GAN: variants seen among roughly 807,000 people sequenced by gnomAD.
The protein encoded by GAN is gigaxonin, also known as epididymis secretory sperm binding protein.
Under a neutral mutation model 71.3 loss-of-function variants are expected in GAN, and 48 were observed. The ratio of observed to expected loss-of-function variants is 0.67; its 90% CI spans 0.53 to 0.86. The LOEUF (loss-of-function observed/expected upper bound fraction) is 0.86, where lower values mean the gene tolerates loss of function less well. GAN is among the 40% of genes least tolerant of loss of function. The pLI, the probability that GAN is intolerant of heterozygous loss-of-function variation, is 0.00. For missense variants in GAN, 928 were observed against 770.1 expected (o/e 1.21, Z -2.43); for synonymous variants, 386 against 276.8 (o/e 1.39, Z -3.92).
At chr16:81,338,642 T>A (rs1003708985) in intron 1 of GAN, among the ~76,000 whole-genome samples, 1 of 152,030 alleles carries the variant, frequency 6.6e-6, no homozygotes, top group East Asian at 1.9e-4. Flanking sequence ...ATATAGAGAT[T>A]TAAGTTGGGA....
chr16:81,370,504 C>T (rs1337485176), intron 9 of GAN, among the ~76,000 whole-genome samples: 7 of 152,244 alleles, frequency 4.6e-5, no homozygotes, highest in Admixed American at 4.6e-4. Flanking sequence ...AGCACAGCTG[C>T]TACCTTTAGG....
In GAN at chr16:81,388,260, A is replaced by T. The variant is rs148128553; in HGVS notation, c.*10664A>T. ...GAATTATGTATCCAAAATAAAAAGG[A>T]AAAGAAAGGTGCAGTTGGGGCGGGT... On this transcript the variant is annotated 3_prime_UTR_variant, in exon 11 of 11. Transcript: ENST00000648994. 23 of 152,422 alleles carry T rather than the reference A, an allele frequency of 1.5e-4. No individual in the cohort carries two copies. The highest frequency in any genetic ancestry group is 5.3e-4 in the African/African-American group (22 of 41,568). 9.4% of individuals were successfully genotyped at this position (152,422 alleles called of 1,614,324 possible).
Position 81,363,276 on chromosome 16 carries a change from G to C in GAN, c.1087-518G>C, listed in dbSNP as rs189533949. Among the ~76,000 whole-genome samples the C allele has an allele frequency of 8.8e-4, 134 of 152,296 alleles. 1 individual carries two copies. The highest frequency in any genetic ancestry group is 4.4e-5 in the Non-Finnish European group (3 of 68,016). ...ACCAGAGGTAACAGTTCATTTTCTTGTTGTGAGCTATTATGGGTTAAAAAG... is the reference window on the plus strand; with the variant it reads ...ACCAGAGGTAACAGTTCATTTTCTTCTTGTGAGCTATTATGGGTTAAAAAG... On this transcript the variant is annotated intron_variant, in intron 6 of 10. Transcript: ENST00000648994.
intron 9 of GAN, 41 bp from the exon 10 acceptor site, chr16:81,377,178 C>G: frequency 8.5e-7 from 1 of 1,169,882 alleles, no homozygotes; most frequent in Non-Finnish European, 1.3e-6. Context: ...TGTTGTCATC[C>G]TTTTGATTTC....
At chr16:81,326,848 A>T (rs1331331251) in intron 1 of GAN, among the ~76,000 whole-genome samples, 1 of 152,240 alleles carries the variant, frequency 6.6e-6, no homozygotes, top group Non-Finnish European at 1.5e-5. Flanking sequence ...TTACGGGACC[A>T]CTGTTGTATA....
rs750784808 is a variant in GAN at position 81,314,992 on chromosome 16, G to A, written c.-122G>A. ...GCACAGGCACGTCCCGGGGGCTCCA[G>A]CTTCTGCTCAGAGCGCGGAGAGCCG... On this transcript the variant is annotated 5_prime_UTR_variant, in exon 1 of 11. Coordinates refer to ENST00000648994, the MANE Select transcript of GAN (RefSeq NM_022041.4). 3.8e-5 allele frequency: 32 copies of A among 851,500 alleles called. No individual in the cohort carries two copies. Among genetic ancestry groups the A allele is most frequent in the Non-Finnish European group, 5.0e-5 (31 of 614,766 alleles). The allele number at this position is 851,500 out of a possible 1,614,324, so 52.7% of individuals were successfully genotyped here.
Position 81,363,914 on chromosome 16 carries a change from A to C in GAN, c.1207A>C (p.Lys403Gln), listed in dbSNP as rs371431284. 3.1e-6 allele frequency: 5 copies of C among 1,613,718 alleles called. No individual in the cohort carries two copies. Among genetic ancestry groups the C allele is most frequent in the Non-Finnish European group, 4.2e-6 (5 of 1,179,600 alleles). Residue 403 changes from lysine to glutamine, a missense_variant, in exon 7 of 11, where the codon AAG (lysine) becomes CAG (glutamine). Lys to Gln is a moderately conservative substitution (Grantham distance 53). Transcript: ENST00000648994. The part of the protein sequence containing the change: ...CYDIYSKTWT[K>Q]QPDLTMVRKI... ...CGATATTTATTCTAAAACCTGGACA[A>C]AGCAACCTGATTTGACCATGGTCAG...
chr16:81,370,890 T>A (rs2150695151), intron 9 of GAN, among the ~76,000 whole-genome samples: 1 of 152,382 alleles, frequency 6.6e-6, no homozygotes, highest in Admixed American at 6.5e-5. Flanking sequence ...AATTCTAGAT[T>A]ACTTATGGTA....
At position 81,379,575 on chromosome 16, in the gene GAN, C is replaced by G. The variant is rs1188246107; in HGVS notation, c.*1979C>G. On this transcript the variant is annotated 3_prime_UTR_variant, in exon 11 of 11. Transcript: ENST00000648994. The stretch of plus-strand genomic sequence containing the variant: ...TTTTAATGAAAGCAAACTATGTGGC[C>G]TCTGCAAAGAAAGGAAGATTTTTCT... 1 of 152,096 alleles carries G rather than the reference C, an allele frequency of 6.6e-6. No individual in the cohort carries two copies. The highest frequency in any genetic ancestry group is 1.5e-5 in the Non-Finnish European group (1 of 68,026). 9.4% of individuals were successfully genotyped at this position (152,096 alleles called of 1,614,324 possible).
At position 81,354,424 on chromosome 16, in the gene GAN, C is replaced by G; in HGVS notation, c.302C>G (p.Thr101Arg). The stretch of plus-strand genomic sequence containing the variant: ...TTTTAGATCAGGCTAAATGAAGATA[C>G]AATCCAAGATGTTGTTCAGGCAGCT... Reference protein sequence around the residue: ...FSGQIRLNEDTIQDVVQAADL... With the variant: ...FSGQIRLNEDRIQDVVQAADL... The change falls in exon 3 of 11, where the codon ACA (threonine) becomes AGA (arginine). Residue 101 changes from threonine (T) to arginine (R), a missense_variant. Transcript: ENST00000648994. 6.2e-7 allele frequency: 1 copy of G among 1,610,282 alleles called. No homozygotes were observed. The highest frequency in any genetic ancestry group is 8.5e-7 in the Non-Finnish European group (1 of 1,176,538).
At chr16:81,354,315 G>A (rs1214501388) in intron 2 of GAN, 90 bp from the exon 3 acceptor site, 1 of 830,342 alleles carries the variant, frequency 1.2e-6, no homozygotes, top group African/African-American at 1.7e-5. Context: ...TAAAATAAAT[G>A]GAAATTTCAT....
chr16:81,329,921 G>C (rs990479552), intron 1 of GAN, among the ~76,000 whole-genome samples: 12 of 152,138 alleles, frequency 7.9e-5, no homozygotes, highest in Non-Finnish European at 1.8e-4. Context: ...AGTCAACCTA[G>C]CTCCCTCCCC....
intron 1 of GAN, among the ~76,000 whole-genome samples, chr16:81,316,012 A>G: frequency 6.6e-6 from 1 of 152,256 alleles, no homozygotes; most frequent in East Asian, 1.9e-4. Context: ...GAGGACCGTG[A>G]GAGCCTTGCG....
intron 9 of GAN, among the ~76,000 whole-genome samples, chr16:81,376,611 T>C (rs1904281547): frequency 6.6e-6 from 1 of 150,692 alleles, no homozygotes; most frequent in Non-Finnish European, 1.5e-5. Flanking sequence ...ATTATATGTA[T>C]GTATATGTAT....
At chr16:81,354,840 C>T (rs535995532) in intron 3 of GAN, 85 bp downstream of exon 3, 2 of 783,332 alleles carry the variant, frequency 2.6e-6, no homozygotes, top group African/African-American at 3.5e-5. Flanking sequence ...TCTTCTTCAT[C>T]ATGAAAGACT....
rs1904304268 is a variant in GAN, at chr16:81,381,433, T to G, written c.*3837T>G. 6.6e-6 allele frequency: 1 copy of G among 152,190 alleles called. No individual in the cohort carries two copies. Among genetic ancestry groups the G allele is most frequent in the Non-Finnish European group, 1.5e-5 (1 of 68,030 alleles). The allele number at this position is 152,190 out of a possible 1,614,324, so 9.4% of individuals were successfully genotyped here. A position where few individuals can be genotyped will look rare whatever the true frequency, so the allele number is the denominator to read the frequency against. ...CAATTTAAAGATGCCGGAACCCCGT[T>G]AAAAACACCTGGTGGAAGGGAAAGG... On this transcript the variant is annotated 3_prime_UTR_variant, in exon 11 of 11. Coordinates refer to ENST00000648994, the MANE Select transcript of GAN (RefSeq NM_022041.4).
At position 81,385,322 on chromosome 16, in the gene GAN, T is replaced by G. The variant is rs1197998347; in HGVS notation, c.*7726T>G. On this transcript the variant is annotated 3_prime_UTR_variant, in exon 11 of 11. Transcript: ENST00000648994. ...ATTCCTTTAACTTAAACCCCAAACTTTGTTATTTTAATTATTTTCAGGCAA... is the reference window on the plus strand; with the variant it reads ...ATTCCTTTAACTTAAACCCCAAACTGTGTTATTTTAATTATTTTCAGGCAA... 1 of 152,062 alleles carries G rather than the reference T, an allele frequency of 6.6e-6. No individual in the cohort carries two copies. The highest frequency in any genetic ancestry group is 1.5e-5 in the Non-Finnish European group (1 of 68,006). 9.4% of individuals were successfully genotyped at this position (152,062 alleles called of 1,614,324 possible). A position where few individuals can be genotyped will look rare whatever the true frequency, so the allele number is the denominator to read the frequency against.
chr16:81,390,022 A>G lies in GAN; in HGVS notation c.*12426A>G, dbSNP rs1904517622. 2 of 152,204 alleles carry G rather than the reference A, an allele frequency of 1.3e-5. No homozygotes were observed. The allele number at this position is 152,204 out of a possible 1,614,324, so 9.4% of individuals were successfully genotyped here. A position where few individuals can be genotyped will look rare whatever the true frequency, so the allele number is the denominator to read the frequency against. On this transcript the variant is annotated 3_prime_UTR_variant, in exon 11 of 11. Coordinates refer to ENST00000648994, the MANE Select transcript of GAN (RefSeq NM_022041.4). ...TTCTTTTAAATCCTGCAACTTTATT[A>G]TCTAGTAGAATTCCAAGTAGGTCTG...
chr16:81,374,072 C>T (rs1359523281), intron 9 of GAN, among the ~76,000 whole-genome samples: 2 of 152,166 alleles, frequency 1.3e-5, no homozygotes, highest in Admixed American at 1.3e-4. Context: ...CTCTCATGAC[C>T]TTCATCCTCT....
Sources: gnomAD v4.1 joint callset for allele counts (sites outside exome capture counted in the v4.1 genomes callset) on GRCh38, gnomAD v4.1.1 for gene constraint, MANE v1.5 for transcripts, NCBI Gene and HGNC (gene_info 2026-07-23, HGNC 2026-07-21) for gene names.